RRP1: variants seen among roughly 807,000 people sequenced by gnomAD.
RRP1 encodes the protein ribosomal RNA processing protein 1 homolog A.
Under a neutral mutation model 54.6 loss-of-function variants are expected in RRP1, and 37 were observed. The ratio of observed to expected loss-of-function variants is 0.68; its 90% CI spans 0.52 to 0.89. The LOEUF (loss-of-function observed/expected upper bound fraction) is 0.89. Ranked by LOEUF, RRP1 falls within the 40% of genes least tolerant of loss-of-function variation. The pLI, the probability that RRP1 is intolerant of heterozygous loss-of-function variation, is 0.00. For missense variants in RRP1, 639 were observed against 612.5 expected (o/e 1.04, Z -0.46); for synonymous variants, 262 against 244.3 (o/e 1.07, Z -0.67).
At chr21:43,795,915 G>A (rs2085014688) in intron 5 of RRP1, among the ~76,000 whole-genome samples, 1 of 152,220 alleles carries the variant, frequency 6.6e-6, no homozygotes, top group Non-Finnish European at 1.5e-5. Flanking sequence ...GCCGAGGCGG[G>A]CAGATCACAA....
In RRP1 at chr21:43,804,785, C is replaced by T. The variant is rs1056070772; in HGVS notation, c.*1011C>T. 1.3e-4 allele frequency: 20 copies of T among 152,526 alleles called. No individual in the cohort carries two copies. Among genetic ancestry groups the T allele is most frequent in the African/African-American group, 4.6e-4 (19 of 41,586 alleles). The allele number at this position is 152,526 out of a possible 1,614,324, so 9.4% of individuals were successfully genotyped here. The stretch of plus-strand genomic sequence containing the variant: ...GGCTGTGGCTGGCCTTGTGCAGACC[C>T]TGGACTGCATCCGGTTCCCCAAAGC... On this transcript the variant is annotated 3_prime_UTR_variant, in exon 13 of 13. Transcript: ENST00000497547. The surrounding 1 kb of genome is among the most constrained non-coding windows in gnomAD (Gnocchi z 4.3).
chr21:43,797,790 C>G (rs1455974063), intron 7 of RRP1, 95 bp downstream of exon 7: 3 of 1,576,836 alleles, frequency 1.9e-6, no homozygotes, highest in Non-Finnish European at 2.6e-6. Context: ...AGGGATGAAT[C>G]TGTCTCAGAG....
intron 2 of RRP1, among the ~76,000 whole-genome samples, 161 bp downstream of exon 2, chr21:43,791,593 T>A (rs1466886792): frequency 6.6e-6 from 1 of 151,832 alleles, no homozygotes; most frequent in Non-Finnish European, 1.5e-5. Flanking sequence ...ACCTCAGCCT[T>A]CTGGTTTCAA....
chr21:43,797,860 AATC>A (rs1409850477), intron 7 of RRP1, 44 bp from the exon 8 acceptor site: 1 of 1,589,262 alleles, frequency 6.3e-7, no homozygotes, highest in East Asian at 2.2e-5. Context: ...TCCGCTTGGG[AATC>A]CAGCATAACG....
Position 43,802,334 on chromosome 21 carries a change from G to A in RRP1, c.1070G>A (p.Arg357Gln). ...TGCAGGCGCCTGCTTGAAGGGAGGCGGCAGAAGAAGACGAAGAAGCAGAAG... is the reference window on the plus strand; with the variant it reads ...TGCAGGCGCCTGCTTGAAGGGAGGCAGCAGAAGAAGACGAAGAAGCAGAAG... ...KACRRLLEGR[R>Q]QKKTKKQKRL... The change falls in exon 12 of 13, where the codon CGG becomes CAG. Residue 357 changes from arginine to glutamine, a missense_variant. By Grantham distance (43) the Arg-to-Gln change is conservative. Transcript: ENST00000497547. 2.5e-6 allele frequency: 4 copies of A among 1,613,964 alleles called. No homozygotes were observed. The highest frequency in any genetic ancestry group is 1.3e-5 in the African/African-American group (1 of 75,006).
rs1371528552 is a variant in RRP1, at chr21:43,803,979, G to A, written c.*205G>A. ...GGACCTTTCCCCAGAGCCTCCGCCTGTGGCTGTGATGACCTTGGGCCAGAA... is the reference window on the plus strand; with the variant it reads ...GGACCTTTCCCCAGAGCCTCCGCCTATGGCTGTGATGACCTTGGGCCAGAA... On this transcript the variant is annotated 3_prime_UTR_variant, in exon 13 of 13. Coordinates refer to ENST00000497547, the MANE Select transcript of RRP1 (RefSeq NM_003683.6). 1.6e-6 allele frequency: 1 copy of A among 615,760 alleles called. No homozygotes were observed. The highest frequency in any genetic ancestry group is 2.6e-6 in the Non-Finnish European group (1 of 378,070). The allele number at this position is 615,760 out of a possible 1,614,324, so 38.1% of individuals were successfully genotyped here. A position where few individuals can be genotyped will look rare whatever the true frequency, so the allele number is the denominator to read the frequency against.
rs2123407937 is a variant in RRP1 at position 43,792,689 on chromosome 21, T to C, written c.234T>C (p.Thr78=). ...KPLLQEELGR[T]ISQLVHAFQT... Reference sequence around the variant, plus strand: ...CTACACAGGAAGAATTAGGAAGGACTATTTCCCAGCTCGTTCATGCTTTTC... The same window carrying C: ...CTACACAGGAAGAATTAGGAAGGACCATTTCCCAGCTCGTTCATGCTTTTC... The change falls in exon 3 of 13, where the codon ACT becomes ACC. Residue 78 remains threonine (T), a synonymous_variant. Transcript: ENST00000497547. The C allele has an allele frequency of 6.2e-7, 1 of 1,614,068 alleles. No individual in the cohort carries two copies. Among genetic ancestry groups the C allele is most frequent in the South Asian group, 1.1e-5 (1 of 91,080 alleles).
At position 43,803,492 on chromosome 21, in the gene RRP1, G is replaced by A. The variant is rs2085113594; in HGVS notation, c.1124-20G>A. ...CCGTGTTGGCATTCTCTGGCTCATG[G>A]GGTCTTGCTGTTTTGTCAGGGAAAG... is the stretch of plus-strand genomic sequence containing the variant. On this transcript the variant is annotated intron_variant, in intron 12 of 12. Coordinates refer to ENST00000497547, the MANE Select transcript of RRP1 (RefSeq NM_003683.6). 9 of 1,532,728 alleles carry A rather than the reference G, an allele frequency of 5.9e-6. No individual in the cohort carries two copies. The highest frequency in any genetic ancestry group is 1.2e-5 in the South Asian group (1 of 82,960). 94.9% of individuals were successfully genotyped at this position (1,532,728 alleles called of 1,614,324 possible). A position where few individuals can be genotyped will look rare whatever the true frequency, so the allele number is the denominator to read the frequency against.
At position 43,804,872 on chromosome 21, in the gene RRP1, T is replaced by C. The variant is rs2085128543; in HGVS notation, c.*1098T>C. On this transcript the variant is annotated 3_prime_UTR_variant, in exon 13 of 13. Coordinates refer to ENST00000497547, the MANE Select transcript of RRP1 (RefSeq NM_003683.6). This position sits in a 1 kb window ranked among gnomAD's most constrained non-coding sequence, Gnocchi z 4.3. ...TGGCACCTGGTGACACCTCCTTCAG[T>C]CCCACTCAGCTGGGCGGCCGGGGCA... The C allele has an allele frequency of 6.6e-6, 1 of 152,484 alleles. No individual in the cohort carries two copies. Among genetic ancestry groups the C allele is most frequent in the African/African-American group, 2.4e-5 (1 of 41,446 alleles). The allele number at this position is 152,484 out of a possible 1,614,324, so 9.4% of individuals were successfully genotyped here.
chr21:43,793,185 T>A (rs1007541340), intron 3 of RRP1, 134 bp from the exon 4 acceptor site: 6 of 754,672 alleles, frequency 8.0e-6, no homozygotes, highest in Non-Finnish European at 1.1e-5. Flanking sequence ...GATCCAGTTC[T>A]GGGGGTAGGG....
chr21:43,803,878 ACTC>A lies in RRP1; in HGVS notation c.*107_*109del. ...GTAGACTCAGGACCGTGGCTCCAGAACTCCTGTGCCAGGCGGGAGGGAAGGGCG... is the reference window on the plus strand; with the variant it reads ...GTAGACTCAGGACCGTGGCTCCAGAACTGTGCCAGGCGGGAGGGAAGGGCG... On this transcript the variant is annotated 3_prime_UTR_variant, in exon 13 of 13. Transcript: ENST00000497547. 1 of 1,363,590 alleles carries A rather than the reference ACTC, an allele frequency of 7.3e-7. No homozygotes were observed. The highest frequency in any genetic ancestry group is 9.7e-7 in the Non-Finnish European group (1 of 1,025,820). 84.5% of individuals were successfully genotyped at this position (1,363,590 alleles called of 1,614,324 possible). A position where few individuals can be genotyped will look rare whatever the true frequency, so the allele number is the denominator to read the frequency against.
chr21:43,792,723 G>A lies in RRP1; in HGVS notation c.268G>A (p.Glu90Lys), dbSNP rs767836326. ...SQLVHAFQTTEAQHLFLQAFW... is the reference protein window; with the variant it reads ...SQLVHAFQTTKAQHLFLQAFW... ...GCTCGTTCATGCTTTTCAGACCACG[G>A]AGGCGCGTGAGTATGCTCTGCTGTA... Residue 90 changes from glutamate to lysine, a missense_variant, in exon 3 of 13, where the codon GAG (glutamate) becomes AAG (lysine). By Grantham distance (56) the Glu-to-Lys change is moderately conservative. Transcript: ENST00000497547. 8.7e-6 allele frequency: 14 copies of A among 1,614,020 alleles called. No homozygotes were observed. In the African/African-American group the frequency reaches 1.9e-4, roughly 22 times the overall value.
chr21:43,802,746 G>C (rs575216730), intron 12 of RRP1, among the ~76,000 whole-genome samples: 1 of 152,138 alleles, frequency 6.6e-6, no homozygotes, highest in African/African-American at 2.4e-5. Flanking sequence ...GTCTCTCCAC[G>C]TCTTCCTTCC....
chr21:43,802,201 G>C, intron 11 of RRP1, 73 bp from the exon 12 acceptor site: 1 of 1,085,312 alleles, frequency 9.2e-7, no homozygotes, highest in Non-Finnish European at 1.4e-6. Context: ...GCTGGGGCCT[G>C]CTGGAAGCAG....
chr21:43,800,503 C>T lies in RRP1; in HGVS notation c.892-14C>T. The T allele has an allele frequency of 6.2e-7, 1 of 1,613,862 alleles. No homozygotes were observed. Among genetic ancestry groups the T allele is most frequent in the Non-Finnish European group, 8.5e-7 (1 of 1,179,736 alleles). ...GGCTGACCTTGCCTCTGTGACGTCT[C>T]TCTTTTGAAACAGTTTGACTACGAG... On this transcript the variant is annotated splice_polypyrimidine_tract_variant and intron_variant, in intron 9 of 12. Coordinates refer to ENST00000497547, the MANE Select transcript of RRP1 (RefSeq NM_003683.6).
Position 43,803,830 on chromosome 21 carries a change from G to T in RRP1, c.*56G>T. On this transcript the variant is annotated 3_prime_UTR_variant, in exon 13 of 13. Transcript: ENST00000497547. ...AGGCCAGGCCTCGCTTGCACCGCGGGACGAGGCTGACCGGGCTGTTCTGTA... is the reference window on the plus strand; with the variant it reads ...AGGCCAGGCCTCGCTTGCACCGCGGTACGAGGCTGACCGGGCTGTTCTGTA... The T allele has an allele frequency of 2.0e-6, 3 of 1,492,778 alleles. No homozygotes were observed. The highest frequency in any genetic ancestry group is 2.7e-6 in the Non-Finnish European group (3 of 1,114,984). 92.5% of individuals were successfully genotyped at this position (1,492,778 alleles called of 1,614,324 possible). A position where few individuals can be genotyped will look rare whatever the true frequency, so the allele number is the denominator to read the frequency against.
rs563514187 is a variant in RRP1, at chr21:43,794,300, G to A, written c.361-889G>A. ...GAGTGCAGACTCTTAGGGACAATGGGGCTCTGCAGGGAGGCCACCCTACTG... is the reference window on the plus strand; with the variant it reads ...GAGTGCAGACTCTTAGGGACAATGGAGCTCTGCAGGGAGGCCACCCTACTG... On this transcript the variant is annotated intron_variant, in intron 4 of 12. Transcript: ENST00000497547. Among the ~76,000 whole-genome samples, 3 of 152,314 alleles carry A rather than the reference G, an allele frequency of 2.0e-5. No individual in the cohort carries two copies. In the South Asian group the frequency reaches 6.2e-4, roughly 32 times the overall value.
intron 5 of RRP1, 73 bp from the exon 6 acceptor site, chr21:43,797,349 T>C: frequency 6.5e-7 from 1 of 1,537,136 alleles, no homozygotes; most frequent in Non-Finnish European, 8.7e-7. Flanking sequence ...CGTGTAACCA[T>C]GGGAGAGTGG....
chr21:43,792,647 G>A, intron 2 of RRP1, 25 bp from the exon 3 acceptor site: 3 of 1,613,780 alleles, frequency 1.9e-6, no homozygotes, highest in Middle Eastern at 1.7e-4. Flanking sequence ...AGGGGCTGAG[G>A]GCGTTTTTGT....
Sources: allele counts gnomAD v4.1 joint callset (sites outside exome capture counted in the v4.1 genomes callset), GRCh38; gene constraint gnomAD v4.1.1; non-coding constraint Gnocchi (gnomAD v3.1); transcripts MANE v1.5; gene names NCBI Gene and HGNC (gene_info 2026-07-23, HGNC 2026-07-21).